The following MTMR7 variants were observed in gnomAD, a reference collection of about 807,000 sequenced individuals.
MTMR7 encodes phosphatidylinositol-3-phosphate phosphatase MTMR7.
MTMR7 carries 76 observed loss-of-function variants against 81.2 expected under a neutral mutation model. The observed-to-expected ratio is 0.94, with a 90% CI of 0.78 to 1.13. The LOEUF (loss-of-function observed/expected upper bound fraction) is 1.13, where lower values mean the gene tolerates loss of function less well. MTMR7 is among the 50% of genes most tolerant of loss of function. MTMR7 has a pLI of 0.00. For missense variants in MTMR7, 1,044 were observed against 820.0 expected (o/e 1.27, Z -3.34); for synonymous variants, 372 against 289.8 (o/e 1.28, Z -2.88).
At chr8:17,308,531 C>T (rs1458168838) in intron 10 of MTMR7, among the ~76,000 whole-genome samples, 1 of 152,184 alleles carries the variant, frequency 6.6e-6, no homozygotes, top group Admixed American at 6.5e-5. Flanking sequence ...TAAGAAAACA[C>T]AGTAAAACTT....
intron 1 of MTMR7, among the ~76,000 whole-genome samples, chr8:17,411,175 T>A (rs1241523057): frequency 2.0e-5 from 3 of 152,236 alleles, no homozygotes; most frequent in African/African-American, 7.2e-5. Context: ...GAATCATTTA[T>A]CTTTGACCAT....
At position 17,305,877 on chromosome 8, in the gene MTMR7, T is replaced by C; in HGVS notation, c.1232A>G (p.Glu411Gly). 1 of 1,613,736 alleles carries C rather than the reference T, an allele frequency of 6.2e-7. No homozygotes were observed. Among genetic ancestry groups the C allele is most frequent in the Non-Finnish European group, 8.5e-7 (1 of 1,179,706 alleles). The change falls in exon 11 of 14, where the codon GAA becomes GGA. Residue 411 changes from glutamate (E) to glycine (G), a missense_variant. Coordinates refer to ENST00000180173, the MANE Select transcript of MTMR7 (RefSeq NM_004686.5). ...GAACTCAAAGGCACAGGGAAATTGT[T>C]CCATTAACTGCCAAACACACTCAAT... ...QFIECVWQLM[E>G]QFPCAFEFNE...
Position 17,408,336 on chromosome 8 carries a change from C to T in MTMR7, c.24+4933G>A, listed in dbSNP as rs892895841. 5.0e-4 allele frequency among the ~76,000 whole-genome samples: 29 copies of T among 57,708 alleles called. 4 individuals carry two copies. The highest frequency in any genetic ancestry group is 1.0e-3 in the African/African-American group (29 of 29,110). The allele number at this position is 57,708 out of a possible 152,430, so 37.9% of individuals were successfully genotyped here. ...CCCGGGAGGCGGAGCTTGCAGTGAG[C>T]CGAGATTGCGCCACTGCAGTCCACA... On this transcript the variant is annotated intron_variant, in intron 1 of 13. Coordinates refer to ENST00000180173, the MANE Select transcript of MTMR7 (RefSeq NM_004686.5).
At chr8:17,384,553 T>C (rs1038102654) in intron 1 of MTMR7, among the ~76,000 whole-genome samples, 3 of 152,172 alleles carry the variant, frequency 2.0e-5, no homozygotes, top group African/African-American at 7.2e-5. Flanking sequence ...GCAAAAAATA[T>C]AAACTACCCA....
intron 1 of MTMR7, among the ~76,000 whole-genome samples, chr8:17,411,600 C>G (rs894356130): frequency 6.6e-6 from 1 of 152,138 alleles, no homozygotes; most frequent in Non-Finnish European, 1.5e-5. Flanking sequence ...ATGACTCACC[C>G]AATTCAGTAA....
At chr8:17,300,625 C>A (rs895224801) in intron 13 of MTMR7, among the ~76,000 whole-genome samples, 2 of 152,180 alleles carry the variant, frequency 1.3e-5, no homozygotes, top group African/African-American at 4.8e-5. Flanking sequence ...AATTCACTTA[C>A]CGTGAAACTC....
intron 5 of MTMR7, among the ~76,000 whole-genome samples, chr8:17,345,143 T>C (rs1819512396): frequency 6.6e-6 from 1 of 152,164 alleles, no homozygotes; most frequent in Admixed American, 6.5e-5. Context: ...CCCATGTGCG[T>C]AAGGCCTAAA....
At chr8:17,406,784 A>G (rs191827651) in intron 1 of MTMR7, among the ~76,000 whole-genome samples, 91 of 152,352 alleles carry the variant, frequency 6.0e-4, no homozygotes, top group African/African-American at 2.1e-3. Flanking sequence ...CACAGAACAG[A>G]TAAAACGAAA....
At chr8:17,350,686 T>C (rs954616714) in intron 4 of MTMR7, among the ~76,000 whole-genome samples, 2 of 152,126 alleles carry the variant, frequency 1.3e-5, no homozygotes, top group Non-Finnish European at 2.9e-5. Flanking sequence ...TTTGTAGGGG[T>C]TGAAAACCCA....
intron 9 of MTMR7, 117 bp downstream of exon 9, chr8:17,311,394 G>C (rs1817773207): frequency 1.5e-6 from 2 of 1,333,976 alleles, no homozygotes; most frequent in African/African-American, 2.9e-5. Flanking sequence ...ATCTTGCTGA[G>C]CTACTAAAAG....
chr8:17,313,702 T>C lies in MTMR7; in HGVS notation c.866-301A>G, dbSNP rs569749865. On this transcript the variant is annotated intron_variant, in intron 7 of 13. Coordinates refer to ENST00000180173, the MANE Select transcript of MTMR7 (RefSeq NM_004686.5). ...TCATTAAGAGTTCTGGCAGAAAATATCGATTTGCCTTTCCAGCAAAGTAAT... is the reference window on the plus strand; with the variant it reads ...TCATTAAGAGTTCTGGCAGAAAATACCGATTTGCCTTTCCAGCAAAGTAAT... 2.3e-4 allele frequency among the ~76,000 whole-genome samples: 35 copies of C among 152,260 alleles called. No homozygotes were observed. The South Asian group carries it at 6.6e-3, about 29-fold the overall frequency.
intron 4 of MTMR7, among the ~76,000 whole-genome samples, chr8:17,354,467 G>C (rs1233376856): frequency 2.6e-5 from 4 of 152,130 alleles, no homozygotes; most frequent in Non-Finnish European, 5.9e-5. Flanking sequence ...TCTGAGCTTA[G>C]AGACTTAGAC....
intron 7 of MTMR7, among the ~76,000 whole-genome samples, chr8:17,316,870 TG>T (rs926921761): frequency 3.3e-5 from 5 of 151,510 alleles, no homozygotes; most frequent in African/African-American, 9.7e-5. Flanking sequence ...GGGGCTGGGG[TG>T]GGGGTGCTGG....
At position 17,313,352 on chromosome 8, in the gene MTMR7, C is replaced by T. The variant is rs1488252558; in HGVS notation, c.915G>A (p.Glu305=). 3 of 1,612,904 alleles carry T rather than the reference C, an allele frequency of 1.9e-6. No individual in the cohort carries two copies. Among genetic ancestry groups the T allele is most frequent in the Non-Finnish European group, 2.5e-6 (3 of 1,179,226 alleles). Reference sequence around the variant, plus strand: ...TAATGTGCCTTAACCAGCCAGAGTTCTCCAGACCCCACAGGAAATCACTCA... The same window carrying T: ...TAATGTGCCTTAACCAGCCAGAGTTTTCCAGACCCCACAGGAAATCACTCA... ...PSMSDFLWGL[E]NSGWLRHIKA... The change falls in exon 8 of 14, where the codon GAG becomes GAA. Residue 305 remains glutamate, a synonymous_variant. Transcript: ENST00000180173.
intron 4 of MTMR7, among the ~76,000 whole-genome samples, chr8:17,359,499 T>C (rs546953728): frequency 2.0e-5 from 3 of 151,654 alleles, no homozygotes; most frequent in South Asian, 2.1e-4. Context: ...CTCAGGTGGA[T>C]TGCTTTGGAT....
chr8:17,356,750 G>C (rs1819901009), intron 4 of MTMR7, among the ~76,000 whole-genome samples: 1 of 151,900 alleles, frequency 6.6e-6, no homozygotes, highest in Admixed American at 6.6e-5. Context: ...GTATCAGTGT[G>C]TGTGTATGCT....
chr8:17,336,884 G>T (rs944141848), intron 6 of MTMR7, among the ~76,000 whole-genome samples: 1 of 152,164 alleles, frequency 6.6e-6, no homozygotes, highest in African/African-American at 2.4e-5. Context: ...TTTGTAAACA[G>T]AAAAAACACC....
chr8:17,383,487 G>C (rs1820825763), intron 1 of MTMR7, among the ~76,000 whole-genome samples: 1 of 152,198 alleles, frequency 6.6e-6, no homozygotes, highest in Non-Finnish European at 1.5e-5. Context: ...CTCGCATCTA[G>C]AAAGTGGCAG....
Position 17,299,820 on chromosome 8 carries a change from G to A in MTMR7, c.*42C>T. ...ACCTTGTTCCCTTGTTTTTGGAAGTGTTGCTTATGTGTCCTTTACTTTGGA... is the reference window on the plus strand; with the variant it reads ...ACCTTGTTCCCTTGTTTTTGGAAGTATTGCTTATGTGTCCTTTACTTTGGA... On this transcript the variant is annotated 3_prime_UTR_variant, in exon 14 of 14. Coordinates refer to ENST00000180173, the MANE Select transcript of MTMR7 (RefSeq NM_004686.5). 2 of 1,600,344 alleles carry A rather than the reference G, an allele frequency of 1.2e-6. No homozygotes were observed. Among genetic ancestry groups the A allele is most frequent in the South Asian group, 1.1e-5 (1 of 89,640 alleles).
Sources: allele counts gnomAD v4.1 joint callset (sites outside exome capture counted in the v4.1 genomes callset), GRCh38; gene constraint gnomAD v4.1.1; transcripts MANE v1.5; gene names NCBI Gene and HGNC (gene_info 2026-07-23, HGNC 2026-07-21).